The following FREM1 variants were observed in gnomAD, a reference collection of about 807,000 sequenced individuals.
The protein encoded by FREM1 is FRAS1 related extracellular matrix 1.
In FREM1, 220 loss-of-function variants were observed where a neutral mutation model predicts 210.1. The ratio of observed to expected loss-of-function variants is 1.05; its 90% CI spans 0.94 to 1.17. FREM1 has a LOEUF of 1.17. Ranked by LOEUF, FREM1 falls within the 50% of genes most tolerant of loss-of-function variation. The pLI is 0.00. For missense variants in FREM1, 3,454 were observed against 2,675.5 expected, an observed-to-expected ratio of 1.29 and a Z score of -6.42; for synonymous variants, 1,189 against 980.2, an observed-to-expected ratio of 1.21 and a Z score of -3.98.
intron 8 of FREM1, among the ~76,000 whole-genome samples, chr9:14,843,495 ATAGG>A (rs55735118): frequency 0.74 from 111,830 of 150,792 alleles, 41,731 homozygotes; most frequent in East Asian, 0.97. Flanking sequence ...TCATAGATAG[ATAGG>A]TAGGTAGGTA....
chr9:14,890,653 C>A (rs964987507), intron 1 of FREM1, among the ~76,000 whole-genome samples: 1 of 152,122 alleles, frequency 6.6e-6, no homozygotes, highest in African/African-American at 2.4e-5. Flanking sequence ...ACATTTCTGG[C>A]CATGCCCGAT....
intron 25 of FREM1, 28 bp from the exon 26 acceptor site, chr9:14,770,834 T>C (rs756366038): frequency 1.3e-6 from 2 of 1,557,432 alleles, no homozygotes; most frequent in African/African-American, 2.7e-5. Context: ...ACATAAAATG[T>C]TGTCCAAAGG....
chr9:14,852,106 C>A (rs140156733), intron 5 of FREM1, among the ~76,000 whole-genome samples: 1 of 152,186 alleles, frequency 6.6e-6, no homozygotes, highest in Non-Finnish European at 1.5e-5. Context: ...CTCCTCCAGC[C>A]GCCTTCCTCA....
At chr9:14,795,879 C>T (rs556359796) in intron 21 of FREM1, among the ~76,000 whole-genome samples, 2 of 152,238 alleles carry the variant, frequency 1.3e-5, no homozygotes, top group South Asian at 2.1e-4. Context: ...GTGGATGCCC[C>T]GGGGCCCTCA....
intron 19 of FREM1, 137 bp downstream of exon 19, chr9:14,804,819 T>C (rs936160951): frequency 5.1e-6 from 3 of 585,472 alleles, no homozygotes; most frequent in Admixed American, 3.0e-5. Context: ...TTTCAAATGA[T>C]TGCATTACAT....
At chr9:14,908,129 T>A (rs1818104434) in intron 1 of FREM1, among the ~76,000 whole-genome samples, 1 of 152,140 alleles carries the variant, frequency 6.6e-6, no homozygotes, top group African/African-American at 2.4e-5. Context: ...AATATAAATA[T>A]TAAACGCCAG....
chr9:14,743,622 A>T (rs1013464493), intron 35 of FREM1, among the ~76,000 whole-genome samples: 2 of 152,116 alleles, frequency 1.3e-5, no homozygotes, highest in Admixed American at 6.5e-5. Flanking sequence ...AGTTACTTGC[A>T]TTGGCCTTTA....
chr9:14,797,703 C>T, intron 20 of FREM1, 61 bp from the exon 21 acceptor site: 1 of 1,373,786 alleles, frequency 7.3e-7, no homozygotes, highest in African/African-American at 1.4e-5. Flanking sequence ...TGACATATGT[C>T]ACAGATAATG....
At chr9:14,902,304 T>A (rs943758752) in intron 1 of FREM1, among the ~76,000 whole-genome samples, 2 of 152,220 alleles carry the variant, frequency 1.3e-5, no homozygotes, top group African/African-American at 4.8e-5. Context: ...AAACACTATA[T>A]GATCTCTGAC....
intron 19 of FREM1, 112 bp downstream of exon 19, chr9:14,804,844 C>T (rs1818062979): frequency 5.8e-6 from 4 of 695,426 alleles, no homozygotes; most frequent in Admixed American, 2.4e-5. Flanking sequence ...TAGCCTTCCC[C>T]ACTCCTCACC....
At position 14,770,675 on chromosome 9, in the gene FREM1, A is replaced by C; in HGVS notation, c.4989T>G (p.Thr1663=). The part of the protein sequence containing the change: ...SRVLKASDPD[T]EDDQIIFKIL... ...TTTTAAAGATGATCTGATCGTCCTC[A>C]GTGTCAGGGTCTGATGCCTTCAACA... is the stretch of plus-strand genomic sequence containing the variant. The change falls in exon 26 of 37, where the codon ACT becomes ACG. Residue 1663 remains threonine, a synonymous_variant. Coordinates refer to ENST00000380880, the MANE Select transcript of FREM1 (RefSeq NM_001379081.2). 1 of 1,613,558 alleles carries C rather than the reference A, an allele frequency of 6.2e-7. No individual in the cohort carries two copies. The highest frequency in any genetic ancestry group is 2.2e-5 in the East Asian group (1 of 44,872).
chr9:14,847,572 C>G (rs1461986389), intron 7 of FREM1, among the ~76,000 whole-genome samples: 1 of 152,062 alleles, frequency 6.6e-6, no homozygotes, highest in African/African-American at 2.4e-5. Context: ...AGCAGAGGAA[C>G]AATCGAGAAG....
At chr9:14,865,470 A>G (rs1831329234) in intron 2 of FREM1, among the ~76,000 whole-genome samples, 1 of 152,236 alleles carries the variant, frequency 6.6e-6, no homozygotes, top group Non-Finnish European at 1.5e-5. Context: ...TGTTGATCCT[A>G]AGACAAACTT....
intron 1 of FREM1, among the ~76,000 whole-genome samples, chr9:14,890,530 A>C (rs547392007): frequency 6.6e-6 from 1 of 151,722 alleles, no homozygotes; most frequent in South Asian, 2.1e-4. Flanking sequence ...AACTTATGGA[A>C]AACGTTTTTT....
chr9:14,837,707 G>C (rs1824893027), intron 10 of FREM1, among the ~76,000 whole-genome samples: 1 of 152,154 alleles, frequency 6.6e-6, no homozygotes, highest in Non-Finnish European at 1.5e-5. Flanking sequence ...TTGTAGATTA[G>C]CGAAACACTG....
At chr9:14,756,257 G>A in intron 29 of FREM1, 117 bp downstream of exon 29, 1 of 714,858 alleles carries the variant, frequency 1.4e-6, no homozygotes, top group East Asian at 2.8e-5. Flanking sequence ...GCTCCCTGAG[G>A]AGTTTCTAGT....
intron 22 of FREM1, among the ~76,000 whole-genome samples, chr9:14,791,789 G>C (rs1563936757): frequency 6.6e-6 from 1 of 152,006 alleles, no homozygotes; most frequent in East Asian, 1.9e-4. Flanking sequence ...AAATCATTGA[G>C]AAGGCAGGAG....
chr9:14,883,710 C>A (rs146264125), intron 1 of FREM1, among the ~76,000 whole-genome samples: 571 of 152,318 alleles, frequency 3.7e-3, no homozygotes, highest in Non-Finnish European at 6.2e-3. Flanking sequence ...CAGCCAACTT[C>A]TACATGAAAA....
intron 22 of FREM1, among the ~76,000 whole-genome samples, chr9:14,790,366 G>T (rs915934683): frequency 6.6e-6 from 1 of 152,078 alleles, no homozygotes; most frequent in Admixed American, 6.6e-5. Context: ...CTGCCCTCAC[G>T]CTCACTGGAT....
Sources: gnomAD v4.1 joint callset for allele counts (sites outside exome capture counted in the v4.1 genomes callset) on GRCh38, gnomAD v4.1.1 for gene constraint, MANE v1.5 for transcripts, NCBI Gene and HGNC (gene_info 2026-07-23, HGNC 2026-07-21) for gene names.